Variants in CLTCL1 observed in about 807,000 individuals in gnomAD.
The protein encoded by CLTCL1 is clathrin heavy chain 2.
A neutral mutation model predicts 190.0 loss-of-function variants in CLTCL1; 159 were observed. The ratio of observed to expected loss-of-function variants is 0.84; its 90% confidence interval spans 0.74 to 0.95. CLTCL1 has a LOEUF of 0.95. CLTCL1 is among the 40% of genes least tolerant of loss of function. The pLI, the probability that CLTCL1 is intolerant of heterozygous loss-of-function variation, is 0.00. For synonymous variants in CLTCL1, 752 were observed against 769.6 expected (o/e 0.98, Z 0.38); for missense variants, 1,878 against 2,033.4 (o/e 0.92, Z 1.47).
chr22:19,240,641 G>GA (rs1555964935), intron 4 of CLTCL1, among the ~76,000 whole-genome samples: 1 of 152,236 alleles, frequency 6.6e-6, no homozygotes, highest in Non-Finnish European at 1.5e-5. Flanking sequence ...CTATTGGTAA[G>GA]AAGGCGTGAA....
intron 1 of CLTCL1, among the ~76,000 whole-genome samples, chr22:19,285,661 G>C (rs570741683): frequency 6.6e-6 from 1 of 152,178 alleles, no homozygotes; most frequent in African/African-American, 2.4e-5. Context: ...CTCTGGCATG[G>C]AGGCCAGCAG....
At chr22:19,253,013 CAAA>C (rs36070702) in intron 3 of CLTCL1, among the ~76,000 whole-genome samples, 7 of 61,894 alleles carry the variant, frequency 1.1e-4, no homozygotes, top group Non-Finnish European at 1.3e-4. Flanking sequence ...GACTCCGTCT[CAAA>C]AAAAAAAAAA....
chr22:19,189,675 A>G (rs138034070), intron 27 of CLTCL1, among the ~76,000 whole-genome samples: 1 of 152,178 alleles, frequency 6.6e-6, no homozygotes. Context: ...CTGAACCCCC[A>G]AAGTTATCCA....
chr22:19,247,692 C>T (rs2086462698), intron 3 of CLTCL1, among the ~76,000 whole-genome samples: 1 of 151,964 alleles, frequency 6.6e-6, no homozygotes, highest in Non-Finnish European at 1.5e-5. Flanking sequence ...TCCCAAGTAG[C>T]TGGGATTACA....
Position 19,196,268 on chromosome 22 carries a change from T to G in CLTCL1, c.4189A>C (p.Lys1397Gln). Residue 1397 changes from lysine (K) to glutamine (Q), a missense_variant and splice_region_variant, in exon 26 of 33, where the codon AAG becomes CAG. Lys to Gln is a moderately conservative substitution (Grantham distance 53, BLOSUM62 1). Transcript: ENST00000427926. ...CAGCGCTCTGTATCCCCTCTTACCT[T>G]GGTAATGATGTCCTTGAACTGACCC... ...KEGQFKDIIT[K>Q]VANVELCYRA... is the part of the protein sequence containing the mutation. 6.2e-7 allele frequency: 1 copy of G among 1,612,846 alleles called. No individual in the cohort carries two copies. Among genetic ancestry groups the G allele is most frequent in the Non-Finnish European group, 8.5e-7 (1 of 1,179,800 alleles).
At chr22:19,256,417 C>T (rs958325039) in intron 2 of CLTCL1, among the ~76,000 whole-genome samples, 3 of 131,604 alleles carry the variant, frequency 2.3e-5, no homozygotes, top group Admixed American at 1.8e-4. Context: ...AGTGCAGTGG[C>T]ATCATCTCAG....
Position 19,196,638 on chromosome 22 carries a change from C to T in CLTCL1, c.3892G>A (p.Glu1298Lys). ...GCCGCTTCCAACAGCAAGATCAGCT[C>T]CTCAAAGTAGCCACGATCCTAGCAG... ...CYYQDRGYFE[E>K]LILLLEAALG... The change falls in exon 25 of 33, where the codon GAG (glutamate) becomes AAG (lysine). Residue 1298 changes from glutamate (E) to lysine (K), a missense_variant. Glu to Lys is a moderately conservative substitution (Grantham distance 56, BLOSUM62 1). Coordinates refer to ENST00000427926, the MANE Select transcript of CLTCL1 (RefSeq NM_007098.4). 1.2e-6 allele frequency: 2 copies of T among 1,613,220 alleles called. No homozygotes were observed. The highest frequency in any genetic ancestry group is 8.5e-7 in the Non-Finnish European group (1 of 1,179,590).
intron 1 of CLTCL1, among the ~76,000 whole-genome samples, chr22:19,285,288 A>G (rs1425600804): frequency 6.6e-6 from 1 of 152,130 alleles, no homozygotes; most frequent in African/African-American, 2.4e-5. Context: ...AAAAAGAAAA[A>G]GAAAAAGAAA....
rs782088255 is a variant in CLTCL1, at chr22:19,183,507, G to C, written c.4710C>G (p.Leu1570=). ...GGCGAAGCAGGTCATAGCAGGTGAAGAGACAAGCTGCGAAGCACTCCCTCT... is the reference window on the plus strand; with the variant it reads ...GGCGAAGCAGGTCATAGCAGGTGAACAGACAAGCTGCGAAGCACTCCCTCT... ...EGKRECFAAC[L]FTCYDLLRPD... is the part of the protein sequence containing the mutation. The change falls in exon 30 of 33, where the codon CTC becomes CTG. Residue 1570 remains leucine (L), a synonymous_variant. Coordinates refer to ENST00000427926, the MANE Select transcript of CLTCL1 (RefSeq NM_007098.4). 1 of 1,613,828 alleles carries C rather than the reference G, an allele frequency of 6.2e-7. No individual in the cohort carries two copies. Among genetic ancestry groups the C allele is most frequent in the Non-Finnish European group, 8.5e-7 (1 of 1,179,900 alleles).
rs1569203380 is a variant in CLTCL1, at chr22:19,233,196, T to C, written c.1491A>G (p.Gln497=). ...KVIQCFAETG[Q]FQKIVLYAKK... is the part of the protein sequence containing the mutation. ...TGGCATAGAGCACAATTTTCTGGAA[T>C]TGGCCTGTTTCTGCAAAACACTGGA... Residue 497 remains glutamine, a synonymous_variant, in exon 9 of 33, where the codon CAA becomes CAG. Transcript: ENST00000427926. The C allele has an allele frequency of 6.2e-7, 1 of 1,613,884 alleles. No individual in the cohort carries two copies. The highest frequency in any genetic ancestry group is 8.5e-7 in the Non-Finnish European group (1 of 1,179,748).
chr22:19,187,619 T>C lies in CLTCL1; in HGVS notation c.4544A>G (p.Tyr1515Cys). 1 of 1,613,622 alleles carries C rather than the reference T, an allele frequency of 6.2e-7. No individual in the cohort carries two copies. Among genetic ancestry groups the C allele is most frequent in the South Asian group, 1.1e-5 (1 of 91,070 alleles). ...MEFRCIAAYL[Y>C]KGNNWWAQSV... Reference sequence around the variant, plus strand: ...CTGGGCCCACCAGTTATTGCCCTTGTACAGATAGGCCGCAATGCACCTGAA... The same window carrying C: ...CTGGGCCCACCAGTTATTGCCCTTGCACAGATAGGCCGCAATGCACCTGAA... The change falls in exon 29 of 33, where the codon TAC becomes TGC. Residue 1515 changes from tyrosine to cysteine, a missense_variant. Tyr to Cys is a radical substitution (Grantham distance 194, BLOSUM62 -2). Transcript: ENST00000427926.
chr22:19,275,387 C>T (rs2087465920), intron 2 of CLTCL1, among the ~76,000 whole-genome samples: 1 of 151,924 alleles, frequency 6.6e-6, no homozygotes, highest in Non-Finnish European at 1.5e-5. Context: ...AAGGCCTGGG[C>T]ATTTTCTTCC....
chr22:19,225,208 G>C (rs1555955082), intron 13 of CLTCL1, among the ~76,000 whole-genome samples: 1 of 152,170 alleles, frequency 6.6e-6, no homozygotes, highest in Admixed American at 6.5e-5. Context: ...GGCTCCATAA[G>C]TTTCTCCATC....
Position 19,219,992 on chromosome 22 carries a change from A to T in CLTCL1, c.2812T>A (p.Ser938Thr). 6.2e-7 allele frequency: 1 copy of T among 1,613,974 alleles called. No homozygotes were observed. The highest frequency in any genetic ancestry group is 8.5e-7 in the Non-Finnish European group (1 of 1,179,894). Residue 938 changes from serine to threonine, a missense_variant, in exon 18 of 33, where the codon TCT becomes ACT. Physicochemically the swap from Ser to Thr is moderately conservative, Grantham distance 58. Coordinates refer to ENST00000427926, the MANE Select transcript of CLTCL1 (RefSeq NM_007098.4). ...LELIKVCNEN[S>T]LFKSEARYLV... ...TAGCGGGCCTCGCTTTTGAACAGAG[A>T]ATTCTCATTGCACACCTGAAATGAG...
chr22:19,260,614 C>G (rs973809348), intron 2 of CLTCL1, among the ~76,000 whole-genome samples: 3 of 151,722 alleles, frequency 2.0e-5, no homozygotes, highest in Admixed American at 2.0e-4. Context: ...CCCGTCTCTA[C>G]TAAAAATACA....
intron 2 of CLTCL1, chr22:19,258,422 A>T (rs1207342563): frequency 1.7e-5 from 7 of 402,690 alleles, no homozygotes; most frequent in Non-Finnish European, 3.3e-5. Flanking sequence ...TGAGATGTCC[A>T]GTCCAGTCCT....
At chr22:19,180,981 G>C (rs1377156463) in intron 30 of CLTCL1, 175 bp from the exon 31 acceptor site, 1 of 619,482 alleles carries the variant, frequency 1.6e-6, no homozygotes, top group African/African-American at 1.8e-5. Flanking sequence ...TTAGAATGCA[G>C]CAAGGCATGG....
chr22:19,187,138 G>A (rs1555928700), intron 29 of CLTCL1, among the ~76,000 whole-genome samples: 1 of 151,578 alleles, frequency 6.6e-6, no homozygotes, highest in Non-Finnish European at 1.5e-5. Flanking sequence ...CGCCTAGGCT[G>A]GTCTCAAACT....
intron 2 of CLTCL1, 108 bp from the exon 3 acceptor site, chr22:19,254,335 G>T: frequency 1.1e-6 from 1 of 939,054 alleles, no homozygotes; most frequent in Non-Finnish European, 1.6e-6. Context: ...AGGTTGTACT[G>T]CTAATCTGAT....
Sources: gnomAD v4.1 joint callset for allele counts (sites outside exome capture counted in the v4.1 genomes callset) on GRCh38, gnomAD v4.1.1 for gene constraint, MANE v1.5 for transcripts, NCBI Gene and HGNC (gene_info 2026-07-23, HGNC 2026-07-21) for gene names.